The following ABI1 variants were observed in gnomAD, a reference collection of about 807,000 sequenced individuals.
The protein encoded by ABI1 is Abelson interactor 1.
A neutral mutation model predicts 54.6 loss-of-function variants in ABI1; 14 were observed. The observed-to-expected ratio is 0.26, with a 90% confidence interval of 0.17 to 0.40. The LOEUF is 0.40. Ranked by LOEUF, ABI1 falls within the 10% of genes least tolerant of loss-of-function variation. The pLI is 1.00. For missense variants in ABI1, 443 were observed against 598.3 expected (o/e 0.74, Z 2.71); for synonymous variants, 194 against 209.3 (o/e 0.93, Z 0.63).
chr10:26,774,886 G>C (rs945103249), intron 3 of ABI1, among the ~76,000 whole-genome samples: 2 of 151,768 alleles, frequency 1.3e-5, no homozygotes, highest in African/African-American at 4.8e-5. Flanking sequence ...AAAGTCAAAA[G>C]CCAAACAGCA....
chr10:26,755,543 T>C (rs1838194469), intron 9 of ABI1, 112 bp downstream of exon 9: 4 of 829,250 alleles, frequency 4.8e-6, no homozygotes, highest in Admixed American at 2.6e-5. Flanking sequence ...CTGCACCTAT[T>C]TTCAAGATTA....
intron 6 of ABI1, 79 bp from the exon 7 acceptor site, chr10:26,765,397 T>C (rs1839816200): frequency 1.0e-6 from 1 of 961,028 alleles, no homozygotes; most frequent in African/African-American, 1.7e-5. Context: ...CCAAGGCCAC[T>C]AAATACTCCT....
rs749086527 is a variant in ABI1 at position 26,770,280 on chromosome 10, C to T, written c.543G>A (p.Pro181=). 6.2e-6 allele frequency: 10 copies of T among 1,613,964 alleles called. No individual in the cohort carries two copies. Among genetic ancestry groups the T allele is most frequent in the Non-Finnish European group, 8.5e-6 (10 of 1,179,894 alleles). Residue 181 remains proline, a synonymous_variant, in exon 5 of 11, where the codon CCG becomes CCA. Transcript: ENST00000376140. ...CCCGGCCTGACATGGGAGGACTTGGCGGTTTCTGAGTAGGAGGATTTGTTC... is the reference window on the plus strand; with the variant it reads ...CCCGGCCTGACATGGGAGGACTTGGTGGTTTCTGAGTAGGAGGATTTGTTC... ...LSRTNPPTQK[P]PSPPMSGRGT... is the part of the protein sequence containing the mutation.
rs536796975 is a variant in ABI1 at position 26,847,537 on chromosome 10, T to C, written c.117+13210A>G. ...CTACTTGGGAGGTGAGGTGGGAGGA[T>C]TGCTTGAGCCCAGGAGGTTGAGGCT... On this transcript the variant is annotated intron_variant, in intron 1 of 10. Transcript: ENST00000376140. 3.3e-5 allele frequency among the ~76,000 whole-genome samples: 5 copies of C among 152,080 alleles called. No individual in the cohort carries two copies. In the South Asian group the frequency reaches 6.2e-4, roughly 19 times the overall value.
intron 7 of ABI1, 115 bp downstream of exon 7, chr10:26,765,103 A>C: frequency 2.7e-6 from 2 of 741,390 alleles, no homozygotes; most frequent in Non-Finnish European, 4.3e-6. Context: ...TTATTCTAGC[A>C]ACGATCACAA....
chr10:26,850,657 CAA>C (rs560840432), intron 1 of ABI1, among the ~76,000 whole-genome samples: 65 of 101,484 alleles, frequency 6.4e-4, no homozygotes, highest in South Asian at 1.4e-3. Flanking sequence ...GACTCCGTCT[CAA>C]AAAAAAAAAA....
chr10:26,820,860 T>C (rs773056841), intron 2 of ABI1, among the ~76,000 whole-genome samples: 8 of 151,836 alleles, frequency 5.3e-5, no homozygotes, highest in Non-Finnish European at 1.2e-4. Flanking sequence ...ATACACTATT[T>C]AGAGGGACAT....
intron 1 of ABI1, among the ~76,000 whole-genome samples, chr10:26,852,457 C>T (rs557442491): frequency 6.6e-6 from 1 of 152,112 alleles, no homozygotes; most frequent in South Asian, 2.1e-4. Flanking sequence ...CTAGCCTGGG[C>T]AACAAGAACG....
intron 1 of ABI1, among the ~76,000 whole-genome samples, chr10:26,848,641 C>A (rs2050172618): frequency 7.2e-6 from 1 of 138,318 alleles, no homozygotes; most frequent in African/African-American, 2.8e-5. Context: ...CAGAGTCTCG[C>A]TCTATCACCC....
intron 2 of ABI1, among the ~76,000 whole-genome samples, chr10:26,820,570 T>C (rs1157016227): frequency 1.3e-5 from 2 of 150,568 alleles, no homozygotes; most frequent in African/African-American, 2.5e-5. Flanking sequence ...TCTAAATGTA[T>C]GAGATACAGC....
rs529805066 is a variant in ABI1, at chr10:26,798,024, G to A, written c.286-20783C>T. Among the ~76,000 whole-genome samples, 16 of 152,184 alleles carry A rather than the reference G, an allele frequency of 1.1e-4. No homozygotes were observed. In the South Asian group the frequency reaches 3.1e-3, roughly 30 times the overall value. ...TGCTTGATTTAAAGATGCTATGAAA[G>A]CATCTTTTTAAAATTCACAGTCCAA... On this transcript the variant is annotated intron_variant, in intron 2 of 10. Coordinates refer to ENST00000376140, the MANE Select transcript of ABI1 (RefSeq NM_001012750.3).
At chr10:26,760,680 A>G (rs1260061451) in intron 7 of ABI1, among the ~76,000 whole-genome samples, 1 of 152,110 alleles carries the variant, frequency 6.6e-6, no homozygotes, top group East Asian at 1.9e-4. Context: ...ACCTGAGGTC[A>G]GGAGTTTGAG....
intron 3 of ABI1, among the ~76,000 whole-genome samples, chr10:26,773,853 G>C (rs1257509798): frequency 6.6e-6 from 1 of 152,144 alleles, no homozygotes; most frequent in Non-Finnish European, 1.5e-5. Flanking sequence ...CCTGTGGTCT[G>C]AAGCTGCCCG....
chr10:26,827,590 TTTTTTG>T (rs1221323581), intron 1 of ABI1, among the ~76,000 whole-genome samples: 3 of 59,170 alleles, frequency 5.1e-5, no homozygotes, highest in Non-Finnish European at 4.3e-5. Context: ...TCACTTTCTG[TTTTTTG>T]TTTTTTTTTT....
chr10:26,842,793 T>A (rs189822713), intron 1 of ABI1, among the ~76,000 whole-genome samples: 123 of 152,242 alleles, frequency 8.1e-4, no homozygotes, highest in Non-Finnish European at 1.4e-3. Context: ...ACGCCTGTAA[T>A]CCCAGCACTT....
chr10:26,841,164 G>A lies in ABI1; in HGVS notation c.118-17859C>T, dbSNP rs979590849. 4.6e-5 allele frequency among the ~76,000 whole-genome samples: 7 copies of A among 152,242 alleles called. No homozygotes were observed. In the South Asian group the frequency reaches 1.4e-3, roughly 32 times the overall value. The stretch of plus-strand genomic sequence containing the variant: ...AATATTTACTATCTGGCCCTTTACA[G>A]GAAACACCTGCCCACTCTTGCTCTA... On this transcript the variant is annotated intron_variant, in intron 1 of 10. Transcript: ENST00000376140.
At chr10:26,849,015 C>T (rs762778330) in intron 1 of ABI1, among the ~76,000 whole-genome samples, 10 of 152,156 alleles carry the variant, frequency 6.6e-5, no homozygotes, top group Non-Finnish European at 1.2e-4. Flanking sequence ...AAAATTCAGA[C>T]TCCCATTAGC....
chr10:26,845,862 G>A (rs1048365775), intron 1 of ABI1, among the ~76,000 whole-genome samples: 3 of 151,998 alleles, frequency 2.0e-5, no homozygotes, highest in Non-Finnish European at 2.9e-5. Flanking sequence ...AGAAAAAATG[G>A]ACAAGCACAG....
At chr10:26,823,076 C>G (rs2048088665) in intron 2 of ABI1, 62 bp downstream of exon 2, 1 of 1,413,672 alleles carries the variant, frequency 7.1e-7, no homozygotes, top group Non-Finnish European at 9.6e-7. Flanking sequence ...AGGCTATTTA[C>G]TTCTTTGGCA....
Sources: allele counts gnomAD v4.1 joint callset (sites outside exome capture counted in the v4.1 genomes callset), GRCh38; gene constraint gnomAD v4.1.1; transcripts MANE v1.5; gene names NCBI Gene and HGNC (gene_info 2026-07-23, HGNC 2026-07-21).